NRXN1: variants seen among roughly 807,000 people sequenced by gnomAD.
NRXN1 encodes neurexin 1.
Under a neutral mutation model 150.9 loss-of-function variants are expected in NRXN1, and 39 were observed. The ratio of observed to expected loss-of-function variants is 0.26; its 90% CI spans 0.20 to 0.34. NRXN1 has a LOEUF of 0.34. Among genes scored for constraint, NRXN1 ranks in the 10% least tolerant of loss-of-function variants. The pLI, the probability that NRXN1 is intolerant of heterozygous loss-of-function variation, is 1.00. For missense variants in NRXN1, 1,815 were observed against 1,949.9 expected (o/e 0.93, Z 1.30); for synonymous variants, 924 against 757.0 (o/e 1.22, Z -3.62).
chr2:50,198,499 G>T (rs1034492033), intron 18 of NRXN1, among the ~76,000 whole-genome samples: 1 of 151,952 alleles, frequency 6.6e-6, no homozygotes, highest in East Asian at 1.9e-4. Flanking sequence ...CCAACCTCTC[G>T]AATGCCCATA....
chr2:50,589,866 T>G (rs903937690), intron 8 of NRXN1, among the ~76,000 whole-genome samples: 1 of 152,198 alleles, frequency 6.6e-6, no homozygotes, highest in African/African-American at 2.4e-5. Context: ...CTAACTATTG[T>G]CTGTTTCCTA....
intron 18 of NRXN1, among the ~76,000 whole-genome samples, chr2:50,126,245 C>T (rs952635825): frequency 6.6e-6 from 1 of 152,026 alleles, no homozygotes; most frequent in African/African-American, 2.4e-5. Flanking sequence ...GTTTGACTGA[C>T]CCTGAATAAA....
intron 21 of NRXN1, among the ~76,000 whole-genome samples, chr2:49,983,939 G>C (rs1680442602): frequency 6.6e-6 from 1 of 152,030 alleles, no homozygotes; most frequent in Non-Finnish European, 1.5e-5. Context: ...GAGGCAGGAG[G>C]ATTACTTGAG....
At chr2:50,091,888 A>G (rs1699631503) in intron 18 of NRXN1, among the ~76,000 whole-genome samples, 1 of 152,194 alleles carries the variant, frequency 6.6e-6, no homozygotes, top group South Asian at 2.1e-4. Flanking sequence ...GTGAAATCAG[A>G]GCAATGATGT....
intron 18 of NRXN1, among the ~76,000 whole-genome samples, chr2:50,166,113 A>T (rs2059664768): frequency 1.3e-5 from 2 of 152,196 alleles, no homozygotes; most frequent in South Asian, 4.1e-4. Flanking sequence ...CTTTGCAGCC[A>T]ATATGACACT....
intron 12 of NRXN1, among the ~76,000 whole-genome samples, chr2:50,527,061 CT>C: frequency 6.6e-6 from 1 of 152,160 alleles, no homozygotes; most frequent in Non-Finnish European, 1.5e-5. Context: ...AATTGCTATA[CT>C]TTGCATAGTT....
intron 17 of NRXN1, among the ~76,000 whole-genome samples, chr2:50,274,224 C>G (rs2070109221): frequency 6.6e-6 from 1 of 152,146 alleles, no homozygotes. Flanking sequence ...ATGCCCTTCA[C>G]AGGGACATGG....
intron 12 of NRXN1, among the ~76,000 whole-genome samples, chr2:50,508,577 T>G (rs1408196436): frequency 1.3e-5 from 2 of 152,120 alleles, no homozygotes; most frequent in Admixed American, 6.6e-5. Flanking sequence ...TTTTTTTTTT[T>G]GTTAGAAATA....
At chr2:50,787,803 G>C (rs1705350767) in intron 5 of NRXN1, among the ~76,000 whole-genome samples, 1 of 151,864 alleles carries the variant, frequency 6.6e-6, no homozygotes, top group African/African-American at 2.4e-5. Context: ...ACATTGTGCA[G>C]CCGAGAGGTA....
intron 5 of NRXN1, among the ~76,000 whole-genome samples, chr2:50,890,885 G>A (rs989996827): frequency 1.3e-5 from 2 of 151,802 alleles, no homozygotes; most frequent in African/African-American, 2.4e-5. Context: ...TTTATTTTCA[G>A]TAATATCATT....
At chr2:50,053,663 G>C in intron 20 of NRXN1, 73 bp from the exon 21 acceptor site, 1 of 1,433,736 alleles carries the variant, frequency 7.0e-7, no homozygotes, top group Admixed American at 1.7e-5. Context: ...TGATAAAACA[G>C]ATCTTTTATG....
In NRXN1 at chr2:50,236,902, G is replaced by A. The variant is rs761709587; in HGVS notation, c.3433C>T (p.Pro1145Ser). 2 of 1,613,334 alleles carry A rather than the reference G, an allele frequency of 1.2e-6. No homozygotes were observed. Among genetic ancestry groups the A allele is most frequent in the Non-Finnish European group, 1.7e-6 (2 of 1,179,620 alleles). ...GCCAGTCTGTCTGCTCGTGTACTGG[G>A]TCGGTCATTAGGAGGCCACTTATAC... is the stretch of plus-strand genomic sequence containing the variant. ...ITYKWPPNDR[P>S]STRADRLAIG... Residue 1145 changes from proline to serine, a missense_variant, in exon 18 of 23, where the codon CCC becomes TCC. By Grantham distance (74) the Pro-to-Ser change is moderately conservative. Coordinates refer to ENST00000401669, the MANE Select transcript of NRXN1 (RefSeq NM_001330078.2).
intron 5 of NRXN1, among the ~76,000 whole-genome samples, chr2:50,811,777 T>C (rs1249930383): frequency 6.6e-6 from 1 of 152,180 alleles, no homozygotes; most frequent in Non-Finnish European, 1.5e-5. Context: ...AATAGAGACT[T>C]TCAGAAGGTC....
intron 17 of NRXN1, among the ~76,000 whole-genome samples, chr2:50,315,170 C>A (rs1364744175): frequency 6.6e-6 from 1 of 151,708 alleles, no homozygotes; most frequent in Non-Finnish European, 1.5e-5. Flanking sequence ...AATATGTGAG[C>A]TTTTTTTTCC....
chr2:50,538,120 G>T, intron 10 of NRXN1, 133 bp downstream of exon 10: 2 of 966,844 alleles, frequency 2.1e-6, no homozygotes, highest in Non-Finnish European at 3.0e-6. Context: ...GTCAGGTATG[G>T]CTGCTCAGCT....
intron 17 of NRXN1, among the ~76,000 whole-genome samples, chr2:50,390,911 A>C (rs1209247349): frequency 2.0e-5 from 3 of 152,170 alleles, no homozygotes; most frequent in Non-Finnish European, 4.4e-5. Flanking sequence ...ATAGCAACAC[A>C]AACAGATTAA....
At chr2:50,439,570 G>A (rs934592519) in intron 17 of NRXN1, among the ~76,000 whole-genome samples, 1 of 152,150 alleles carries the variant, frequency 6.6e-6, no homozygotes, top group Admixed American at 6.5e-5. Flanking sequence ...ACCCTGGGAG[G>A]CCGAGGCGGG....
chr2:50,928,756 T>C (rs1687296627), intron 2 of NRXN1, among the ~76,000 whole-genome samples: 1 of 152,034 alleles, frequency 6.6e-6, no homozygotes, highest in Admixed American at 6.6e-5. Context: ...AAGCAGTCCA[T>C]CCGGCCTTAC....
intron 5 of NRXN1, among the ~76,000 whole-genome samples, chr2:50,796,038 C>T (rs1009622611): frequency 2.0e-5 from 3 of 152,142 alleles, no homozygotes; most frequent in Admixed American, 6.5e-5. Context: ...AAACTGGCTC[C>T]AAATCACAAT....
Sources: gnomAD v4.1 joint callset for allele counts (sites outside exome capture counted in the v4.1 genomes callset) on GRCh38, gnomAD v4.1.1 for gene constraint, MANE v1.5 for transcripts, NCBI Gene and HGNC (gene_info 2026-07-23, HGNC 2026-07-21) for gene names.